The following SORL1 variants were observed in gnomAD, a reference collection of about 807,000 sequenced individuals.
SORL1 encodes sortilin related receptor 1, also known as sortilin-related receptor.
Under a neutral mutation model 273.7 loss-of-function variants are expected in SORL1, and 127 were observed. That is an observed-to-expected ratio of 0.46 (90% CI 0.40 to 0.54). The LOEUF (loss-of-function observed/expected upper bound fraction) is 0.54. Ranked by LOEUF, SORL1 falls within the 20% of genes least tolerant of loss-of-function variation. The pLI is 0.00. For synonymous variants in SORL1, 1,031 were observed against 1,067.4 expected, an observed-to-expected ratio of 0.97 and a Z score of 0.66; for missense variants, 2,494 against 2,846.1, an observed-to-expected ratio of 0.88 and a Z score of 2.81.
intron 11 of SORL1, among the ~76,000 whole-genome samples, chr11:121,524,056 T>G (rs1056230738): frequency 6.6e-6 from 1 of 152,218 alleles, no homozygotes; most frequent in Non-Finnish European, 1.5e-5. Context: ...CACTGTGTAC[T>G]GTATGTGGTG....
Position 121,629,625 on chromosome 11 carries a change from G to T in SORL1, c.*62G>T. 1.2e-6 allele frequency: 1 copy of T among 842,366 alleles called. No homozygotes were observed. The highest frequency in any genetic ancestry group is 1.7e-5 in the African/African-American group (1 of 59,476). The allele number at this position is 842,366 out of a possible 1,614,324, so 52.2% of individuals were successfully genotyped here. A position where few individuals can be genotyped will look rare whatever the true frequency, so the allele number is the denominator to read the frequency against. The stretch of plus-strand genomic sequence containing the variant: ...ATTTTATTTGATAAAGATAGTTGAT[G>T]GTTTATTTTAAAAGATGCACTTTGA... On this transcript the variant is annotated 3_prime_UTR_variant, in exon 48 of 48. Coordinates refer to ENST00000260197, the MANE Select transcript of SORL1 (RefSeq NM_003105.6).
chr11:121,601,153 T>A (rs1377072093), intron 32 of SORL1, among the ~76,000 whole-genome samples: 36 of 147,040 alleles, frequency 2.4e-4, no homozygotes, highest in Non-Finnish European at 4.1e-4. Flanking sequence ...GGTGTTTGGT[T>A]TTTTGTTCTT....
chr11:121,462,668 T>A (rs937045281), intron 1 of SORL1, among the ~76,000 whole-genome samples: 1 of 152,206 alleles, frequency 6.6e-6, no homozygotes, highest in Non-Finnish European at 1.5e-5. Flanking sequence ...CACTGCGGCC[T>A]CGATCTCTTG....
At chr11:121,569,032 A>T (rs1270015336) in intron 22 of SORL1, among the ~76,000 whole-genome samples, 2 of 152,190 alleles carry the variant, frequency 1.3e-5, no homozygotes, top group Non-Finnish European at 2.9e-5. Context: ...GATTTTATGG[A>T]CATTTATTAG....
chr11:121,487,968 T>C, intron 3 of SORL1, 64 bp from the exon 4 acceptor site: 1 of 1,568,946 alleles, frequency 6.4e-7, no homozygotes, highest in South Asian at 1.2e-5. Flanking sequence ...TCGCACATGG[T>C]TTAGGGGAGT....
intron 1 of SORL1, among the ~76,000 whole-genome samples, chr11:121,464,761 A>C (rs1482211442): frequency 6.6e-6 from 1 of 152,178 alleles, no homozygotes; most frequent in Non-Finnish European, 1.5e-5. Flanking sequence ...CTGTTTCTCC[A>C]GCTGGGGACA....
intron 12 of SORL1, among the ~76,000 whole-genome samples, chr11:121,540,876 A>G (rs1463045416): frequency 1.3e-5 from 2 of 152,258 alleles, no homozygotes; most frequent in Non-Finnish European, 2.9e-5. Flanking sequence ...TTGGCAACGT[A>G]CACATAGATA....
chr11:121,566,182 T>G (rs1198463798), intron 21 of SORL1, among the ~76,000 whole-genome samples: 1 of 152,092 alleles, frequency 6.6e-6, no homozygotes, highest in Non-Finnish European at 1.5e-5. Flanking sequence ...GATGAAAGTC[T>G]AGGAGAGCCT....
chr11:121,542,317 C>A (rs903919617), intron 12 of SORL1, among the ~76,000 whole-genome samples: 13 of 152,212 alleles, frequency 8.5e-5, no homozygotes, highest in South Asian at 2.1e-4. Flanking sequence ...CGGGATTTAG[C>A]CAGTCCTGAA....
intron 25 of SORL1, among the ~76,000 whole-genome samples, chr11:121,580,824 C>T (rs376148944): frequency 2.0e-5 from 3 of 151,548 alleles, no homozygotes; most frequent in South Asian, 2.1e-4. Flanking sequence ...AGGCTGGTCT[C>T]GAACTCCTGG....
chr11:121,557,913 C>T (rs1439581154), intron 19 of SORL1, among the ~76,000 whole-genome samples: 3 of 152,006 alleles, frequency 2.0e-5, no homozygotes, highest in East Asian at 1.9e-4. Context: ...TTTCCTCTCT[C>T]GTAGCATTTA....
chr11:121,461,477 C>T (rs2134769487), intron 1 of SORL1, among the ~76,000 whole-genome samples: 1 of 152,334 alleles, frequency 6.6e-6, no homozygotes, highest in East Asian at 1.9e-4. Context: ...AGAAATTGGC[C>T]AAGCCATGGG....
chr11:121,532,964 G>A (rs1487435921), intron 12 of SORL1, among the ~76,000 whole-genome samples: 2 of 152,022 alleles, frequency 1.3e-5, no homozygotes, highest in Non-Finnish European at 2.9e-5. Context: ...GATTACAGGT[G>A]TGAGCCACTG....
chr11:121,626,560 T>C (rs952443030), intron 46 of SORL1: 1 of 152,218 alleles, frequency 6.6e-6, no homozygotes. Flanking sequence ...CTGGCCCATC[T>C]TGATGAATAC....
At chr11:121,485,349 G>A (rs1203716093) in intron 3 of SORL1, among the ~76,000 whole-genome samples, 1 of 152,228 alleles carries the variant, frequency 6.6e-6, no homozygotes, top group Non-Finnish European at 1.5e-5. Flanking sequence ...GTTAAGGGGT[G>A]AGATGTGAAC....
At chr11:121,456,082 C>A (rs983322968) in intron 1 of SORL1, among the ~76,000 whole-genome samples, 7 of 152,086 alleles carry the variant, frequency 4.6e-5, no homozygotes, top group Non-Finnish European at 1.0e-4. Context: ...TCATGCCACA[C>A]TGAATTTCCT....
In SORL1 at chr11:121,590,139, A is replaced by T; in HGVS notation, c.4178A>T (p.Asp1393Val). The T allele has an allele frequency of 6.2e-7, 1 of 1,614,188 alleles. No individual in the cohort carries two copies. The highest frequency in any genetic ancestry group is 8.5e-7 in the Non-Finnish European group (1 of 1,180,012). The change falls in exon 30 of 48, where the codon GAC becomes GTC. Residue 1393 changes from aspartate (D) to valine (V), a missense_variant. Physicochemically the swap from Asp to Val is radical, Grantham distance 152 (BLOSUM62 -3). Around this residue, in one of 3 missense-constraint regions of SORL1, gnomAD observed 1,609 missense variants for 1,816.4 expected, o/e 0.89. Coordinates refer to ENST00000260197, the MANE Select transcript of SORL1 (RefSeq NM_003105.6). ...PNRWKCDREN[D>V]CGDWSDEKDC... is the part of the protein sequence containing the mutation. ...AGATGGAAATGTGACAGGGAGAACG[A>T]CTGTGGGGACTGGTCTGATGAGAAG... is the stretch of plus-strand genomic sequence containing the variant.
At position 121,605,436 on chromosome 11, in the gene SORL1, A is replaced by T. The variant is rs1171075035; in HGVS notation, c.4813A>T (p.Thr1605Ser). 4.3e-6 allele frequency: 7 copies of T among 1,613,634 alleles called. 1 individual carries two copies. In the Admixed American group the frequency reaches 1.2e-4, roughly 27 times the overall value. ...VGESIWKTLE[T>S]HSNKTNTVLK... ...AGAGAGCATATGGAAGACTCTGGAGACCCACAGCAATAAGACAAACACTGT... is the reference window on the plus strand; with the variant it reads ...AGAGAGCATATGGAAGACTCTGGAGTCCCACAGCAATAAGACAAACACTGT... The change falls in exon 35 of 48, where the codon ACC (threonine) becomes TCC (serine). Residue 1605 changes from threonine (T) to serine (S), a missense_variant. Thr to Ser is a moderately conservative substitution (Grantham distance 58). Transcript: ENST00000260197.
Position 121,525,470 on chromosome 11 carries a change from C to G in SORL1, c.1596+2481C>G, listed in dbSNP as rs367625461. Among the ~76,000 whole-genome samples, 5 of 152,250 alleles carry G rather than the reference C, an allele frequency of 3.3e-5. No individual in the cohort carries two copies. The South Asian group carries it at 1.0e-3, about 32-fold the overall frequency. ...GGGTAAATACTTAGGAATGGAATAG[C>G]TGGGTAGCATGGTGGGTATATGTTT... On this transcript the variant is annotated intron_variant, in intron 11 of 47. Transcript: ENST00000260197.
Sources: allele counts gnomAD v4.1 joint callset (sites outside exome capture counted in the v4.1 genomes callset), GRCh38; gene constraint gnomAD v4.1.1; regional missense constraint gnomAD v4.1.1; transcripts MANE v1.5; gene names NCBI Gene and HGNC (gene_info 2026-07-23, HGNC 2026-07-21).